The following ALDH3B2 variants were observed in gnomAD, a reference collection of about 807,000 sequenced individuals.
The protein encoded by ALDH3B2 is aldehyde dehydrogenase family 3 member B2.
In ALDH3B2, 45 loss-of-function variants were observed where a neutral mutation model predicts 36.7. The ratio of observed to expected loss-of-function variants is 1.23; its 90% CI spans 0.97 to 1.57. The LOEUF is 1.57. Ranked by LOEUF, ALDH3B2 falls within the 40% of genes most tolerant of loss-of-function variation. The pLI is 0.00. For missense variants in ALDH3B2, 464 were observed against 513.3 expected, an observed-to-expected ratio of 0.90 and a Z score of 0.93; for synonymous variants, 217 against 226.5, an observed-to-expected ratio of 0.96 and a Z score of 0.38.
chr11:67,679,641 T>C (rs1475290119), upstream of ALDH3B2, among the ~76,000 whole-genome samples: 1 of 151,442 alleles, frequency 6.6e-6, no homozygotes, highest in African/African-American at 2.4e-5. Flanking sequence ...TAGCTGGGCA[T>C]GGTAGCAGGC....
chr11:67,666,863 G>A (rs746679144), intron 3 of ALDH3B2, 43 bp downstream of exon 3: 46 of 1,613,850 alleles, frequency 2.9e-5, no homozygotes, highest in East Asian at 6.7e-5. Context: ...AGAGCTACCC[G>A]GTGCCCTGCC....
exon 8 of ALDH3B2, chr11:67,664,510 C>G: frequency 1.2e-6 from 2 of 1,614,036 alleles, no homozygotes; most frequent in Non-Finnish European, 1.7e-6. Context: ...GCCCGAAGAT[C>G]TCCTCCTGCA....
At chr11:67,663,934 G>A (rs944994346) in intron 8 of ALDH3B2, among the ~76,000 whole-genome samples, 173 bp from the exon 9 acceptor site, 36 of 152,136 alleles carry the variant, frequency 2.4e-4, no homozygotes, top group Non-Finnish European at 2.9e-5. Context: ...AGTGACGGTC[G>A]GGGTGCCATG....
exon 2 of ALDH3B2, chr11:67,667,611 C>T: frequency 2.8e-6 from 1 of 360,094 alleles, no homozygotes; most frequent in Non-Finnish European, 4.7e-6. Flanking sequence ...GCAGCCGCCG[C>T]AGCGTGTCCT....
chr11:67,669,503 T>A (rs1046556578), intron 1 of ALDH3B2, among the ~76,000 whole-genome samples: 1 of 150,468 alleles, frequency 6.6e-6, no homozygotes, highest in African/African-American at 2.5e-5. Context: ...TGTCTGTGTG[T>A]CTGCGTGTGT....
At chr11:67,664,371 GC>G in intron 8 of ALDH3B2, 24 bp downstream of exon 8, 1 of 1,613,358 alleles carries the variant, frequency 6.2e-7, no homozygotes, top group Non-Finnish European at 8.5e-7. Context: ...CCCCTCCATT[GC>G]CCCCAACCCG....
At position 67,672,547 on chromosome 11, in the gene ALDH3B2, C is replaced by A. The variant is rs113520262; in HGVS notation, c.-245+1890G>T. Among the ~76,000 whole-genome samples the A allele has an allele frequency of 1.6e-3, 243 of 152,050 alleles. 4 individuals carry two copies. The highest frequency in any genetic ancestry group is 5.6e-3 in the African/African-American group (232 of 41,484). ...TTGGGCACATGCTGTCAGGACATCC[C>A]CAGGCTGTGTCACAGGTGCACGTCC... On this transcript the variant is annotated intron_variant, in intron 1 of 9. Coordinates refer to ENST00000349015, the Ensembl canonical transcript of ALDH3B2.
chr11:67,667,094 G>A, intron 2 of ALDH3B2, 78 bp from the exon 3 acceptor site: 2 of 762,738 alleles, frequency 2.6e-6, no homozygotes, highest in South Asian at 1.6e-5. Context: ...GAGGGCACAC[G>A]CAGGCACCAC....
chr11:67,663,699 G>C lies in ALDH3B2; in HGVS notation c.936C>G (p.Thr312=), dbSNP rs1855815932. ...ATGGCACGGACAGCAGAGATATGTAGGTGAAGCCCTCATTGCCTCCAAAGC... is the reference window on the plus strand; with the variant it reads ...ATGGCACGGACAGCAGAGATATGTACGTGAAGCCCTCATTGCCTCCAAAGC... The change falls in exon 9 of 10, where the codon ACC becomes ACG. Residue 312 remains threonine, a synonymous_variant. Coordinates refer to ENST00000349015, the Ensembl canonical transcript of ALDH3B2. The C allele has an allele frequency of 3.1e-6, 5 of 1,613,092 alleles. No individual in the cohort carries two copies. The East Asian group carries it at 1.1e-4, about 36-fold the overall frequency.
chr11:67,663,696 G>A (rs149164164), exon 9 of ALDH3B2: 1 of 1,612,974 alleles, frequency 6.2e-7, no homozygotes, highest in Non-Finnish European at 8.5e-7. Flanking sequence ...GCAGAGATAT[G>A]TAGGTGAAGC....
exon 7 of ALDH3B2, chr11:67,665,624 G>C: frequency 1.9e-6 from 3 of 1,613,638 alleles, no homozygotes; most frequent in Non-Finnish European, 2.5e-6. Flanking sequence ...ACAGGCGTCA[G>C]GTGCTTGGTG....
At chr11:67,668,505 A>G (rs34589365) in intron 1 of ALDH3B2, among the ~76,000 whole-genome samples, 130,294 of 152,168 alleles carry the variant, frequency 0.86, 56,585 homozygotes, top group South Asian at 0.96. Flanking sequence ...GGGGCTCAAG[A>G]ATGGTGCGCA....
At chr11:67,678,420 T>G (rs1856309098), upstream of ALDH3B2, among the ~76,000 whole-genome samples, 1 of 152,094 alleles carries the variant, frequency 6.6e-6, no homozygotes, top group African/African-American at 2.4e-5. Flanking sequence ...TAGCCACATG[T>G]AGGAGAATGC....
chr11:67,673,641 T>G (rs989062974), intron 1 of ALDH3B2: 7 of 152,340 alleles, frequency 4.6e-5, no homozygotes, highest in Admixed American at 4.6e-4. Flanking sequence ...TGGCCATGCC[T>G]GGTGCAGGGC....
chr11:67,664,637 C>G lies in ALDH3B2; in HGVS notation c.707-75G>C, dbSNP rs569244915. 193 of 1,568,686 alleles carry G rather than the reference C, an allele frequency of 1.2e-4. 7 individuals carry two copies. The South Asian group carries it at 2.1e-3, about 17-fold the overall frequency. On this transcript the variant is annotated intron_variant, in intron 7 of 9. Coordinates refer to ENST00000349015, the Ensembl canonical transcript of ALDH3B2. ...CCCAGGGGTAGGGTAGAGGTGGGGA[C>G]AGGGGCATGGGCCAGGGCTCCAGGC...
intron 1 of ALDH3B2, among the ~76,000 whole-genome samples, chr11:67,671,495 C>G (rs1856110543): frequency 6.6e-6 from 1 of 150,626 alleles, no homozygotes; most frequent in African/African-American, 2.4e-5. Flanking sequence ...AATCAGTAAG[C>G]TAAAAGGAAA....
chr11:67,666,695 C>A lies in ALDH3B2; in HGVS notation c.31-1G>T. The stretch of plus-strand genomic sequence containing the variant: ...TGAAGACCGAGTCCAGCTTCATGAA[C>A]TGAGGCACAGGGTAGACAGTGAGGC... On this transcript the variant is annotated splice_acceptor_variant, in intron 3 of 9. Transcript: ENST00000349015. LOFTEE classifies it high-confidence loss of function. The A allele has an allele frequency of 6.2e-7, 1 of 1,614,132 alleles. No homozygotes were observed. Among genetic ancestry groups the A allele is most frequent in the Non-Finnish European group, 8.5e-7 (1 of 1,179,974 alleles).
rs532557446 is a variant in ALDH3B2, at chr11:67,663,275, G to A, written c.1098C>T (p.Thr366=). 1.3e-4 allele frequency: 205 copies of A among 1,614,050 alleles called. 3 individuals are homozygous for A. The South Asian group carries it at 1.5e-3, about 12-fold the overall frequency. Reference sequence around the variant, plus strand: ...AGCGTAACAGCTGCTGGTTCCAGTCGGTATAGGGTGGGTAGTGGATCTCCT... The same window carrying A: ...AGCGTAACAGCTGCTGGTTCCAGTCAGTATAGGGTGGGTAGTGGATCTCCT... The change falls in exon 10 of 10, where the codon ACC becomes ACT. Residue 366 remains threonine (T), a synonymous_variant. Transcript: ENST00000349015.
At position 67,665,270 on chromosome 11, in the gene ALDH3B2, G is replaced by A. The variant is rs1271405296; in HGVS notation, c.706+15C>T. The A allele has an allele frequency of 5.0e-6, 8 of 1,586,062 alleles. No individual in the cohort carries two copies. Among genetic ancestry groups the A allele is most frequent in the Non-Finnish European group, 6.9e-6 (8 of 1,164,636 alleles). On this transcript the variant is annotated intron_variant, in intron 7 of 9. Coordinates refer to ENST00000349015, the Ensembl canonical transcript of ALDH3B2. ...TCTTGGCCCAGGTGGGCTGCGGTAG[G>A]GCAGCAGGACTCACCGATGTAGCGA...
Sources: allele counts gnomAD v4.1 joint callset (sites outside exome capture counted in the v4.1 genomes callset), GRCh38; gene constraint gnomAD v4.1.1; transcripts MANE v1.5; gene names NCBI Gene and HGNC (gene_info 2026-07-23, HGNC 2026-07-21).